HCN1: variants seen among roughly 807,000 people sequenced by gnomAD.
The protein encoded by HCN1 is hyperpolarization activated cyclic nucleotide gated potassium channel 1.
A neutral mutation model predicts 78.9 loss-of-function variants in HCN1; 13 were observed. The observed-to-expected ratio is 0.16, with a 90% CI of 0.11 to 0.26. HCN1 has a LOEUF of 0.26. Ranked by LOEUF, HCN1 falls within the 10% of genes least tolerant of loss-of-function variation. HCN1 has a pLI of 1.00. For synonymous variants in HCN1, 552 were observed against 455.5 expected (o/e 1.21, Z -2.70); for missense variants, 810 against 1,154.3 (o/e 0.70, Z 4.32).
chr5:45,549,873 T>C (rs1743324831), intron 2 of HCN1, among the ~76,000 whole-genome samples: 2 of 152,176 alleles, frequency 1.3e-5, no homozygotes, highest in African/African-American at 4.8e-5. Flanking sequence ...AAGACATTTA[T>C]GCAGCCAACA....
At chr5:45,369,344 T>C (rs1439266256) in intron 4 of HCN1, among the ~76,000 whole-genome samples, 1 of 152,072 alleles carries the variant, frequency 6.6e-6, no homozygotes, top group Non-Finnish European at 1.5e-5. Flanking sequence ...ACTCAGTATC[T>C]CATATTATCC....
chr5:45,383,818 T>C (rs1416987769), intron 4 of HCN1, among the ~76,000 whole-genome samples: 1 of 152,144 alleles, frequency 6.6e-6, no homozygotes, highest in Non-Finnish European at 1.5e-5. Context: ...ATGTTTGTTT[T>C]TTCCACAATA....
At chr5:45,423,710 C>T (rs1348580290) in intron 3 of HCN1, among the ~76,000 whole-genome samples, 1 of 152,168 alleles carries the variant, frequency 6.6e-6, no homozygotes, top group Non-Finnish European at 1.5e-5. Context: ...GCTCTCAACT[C>T]ACTTGTTTAC....
chr5:45,650,310 C>T (rs1266290696), intron 1 of HCN1, among the ~76,000 whole-genome samples: 1 of 152,116 alleles, frequency 6.6e-6, no homozygotes. Context: ...ATGATAGCTT[C>T]GGAATTCTAT....
chr5:45,541,852 C>T (rs2111829877), intron 2 of HCN1, among the ~76,000 whole-genome samples: 1 of 152,212 alleles, frequency 6.6e-6, no homozygotes, highest in South Asian at 2.1e-4. Flanking sequence ...CAAATAACCA[C>T]AAGTTAATTA....
chr5:45,304,688 A>G (rs533721112), intron 5 of HCN1, among the ~76,000 whole-genome samples: 111 of 152,260 alleles, frequency 7.3e-4, no homozygotes, highest in Middle Eastern at 3.4e-3. Flanking sequence ...AAGATTAAAA[A>G]AATAAAATTA....
intron 4 of HCN1, among the ~76,000 whole-genome samples, chr5:45,370,240 A>T (rs1326875055): frequency 6.6e-6 from 1 of 152,062 alleles, no homozygotes; most frequent in African/African-American, 2.4e-5. Flanking sequence ...AAACGGACAT[A>T]TTTATCCAAT....
At chr5:45,677,681 G>C (rs1320579798) in intron 1 of HCN1, among the ~76,000 whole-genome samples, 1 of 151,804 alleles carries the variant, frequency 6.6e-6, no homozygotes, top group Non-Finnish European at 1.5e-5. Context: ...CAGGATTAAA[G>C]AGTAATGACA....
intron 2 of HCN1, among the ~76,000 whole-genome samples, chr5:45,565,804 AAAC>A (rs942641869): frequency 1.5e-4 from 23 of 152,104 alleles, no homozygotes; most frequent in African/African-American, 1.9e-4. Flanking sequence ...CCCTGTCTCA[AAAC>A]AACAACAACA....
At chr5:45,282,491 C>A (rs1745188809) in intron 6 of HCN1, among the ~76,000 whole-genome samples, 1 of 152,122 alleles carries the variant, frequency 6.6e-6, no homozygotes, top group Non-Finnish European at 1.5e-5. Flanking sequence ...TTTTCCTAGC[C>A]AAGGTAAAGA....
intron 6 of HCN1, among the ~76,000 whole-genome samples, chr5:45,274,931 A>G (rs73099433): frequency 0.012 from 1,885 of 152,328 alleles, 49 homozygotes; most frequent in African/African-American, 0.043. Context: ...AGGAAGTGCA[A>G]TGATTGCTTT....
intron 1 of HCN1, among the ~76,000 whole-genome samples, chr5:45,656,043 C>G (rs1745758920): frequency 6.6e-6 from 1 of 152,012 alleles, no homozygotes; most frequent in South Asian, 2.1e-4. Context: ...CTTCAAGGAG[C>G]CCCTCAAAAA....
chr5:45,262,080 G>A lies in HCN1; in HGVS notation c.2514C>T (p.Arg838=), dbSNP rs1561078915. Residue 838 remains arginine (R), a synonymous_variant, in exon 8 of 8, where the codon CGC becomes CGT. Transcript: ENST00000303230. The stretch of plus-strand genomic sequence containing the variant: ...ACGACATCTGTCGGAAGAGGGTGAC[G>A]CGCTGCGGGACAGTGCTCCTGCCCC... The part of the protein sequence containing the change: ...QAGGRSTVPQ[R]VTLFRQMSSG... 1.9e-6 allele frequency: 3 copies of A among 1,613,590 alleles called. No homozygotes were observed. The highest frequency in any genetic ancestry group is 2.2e-5 in the East Asian group (1 of 44,848).
intron 6 of HCN1, among the ~76,000 whole-genome samples, chr5:45,301,880 A>T (rs1745630345): frequency 6.6e-6 from 1 of 152,092 alleles, no homozygotes; most frequent in Non-Finnish European, 1.5e-5. Flanking sequence ...TGTAAATGCA[A>T]TTAAGAAACA....
chr5:45,505,697 G>C (rs1742283564), intron 2 of HCN1, among the ~76,000 whole-genome samples: 1 of 152,008 alleles, frequency 6.6e-6, no homozygotes, highest in Non-Finnish European at 1.5e-5. Context: ...AAATGAAAAT[G>C]CCAACTAGAA....
intron 6 of HCN1, among the ~76,000 whole-genome samples, chr5:45,288,205 G>A (rs995202373): frequency 1.3e-5 from 2 of 151,972 alleles, no homozygotes; most frequent in Non-Finnish European, 2.9e-5. Flanking sequence ...ACGAAAAAAA[G>A]TGGCAGTTAT....
rs536640330 is a variant in HCN1, at chr5:45,581,695, G to A, written c.849+63490C>T. On this transcript the variant is annotated intron_variant, in intron 2 of 7. Coordinates refer to ENST00000303230, the MANE Select transcript of HCN1 (RefSeq NM_021072.4). The stretch of plus-strand genomic sequence containing the variant: ...TTTAATCCATCTTGAATTAATTTTT[G>A]TATAAGGTGTAAGGAAGGGATCCAG... 2.0e-5 allele frequency among the ~76,000 whole-genome samples: 3 copies of A among 152,250 alleles called. No individual in the cohort carries two copies. The East Asian group carries it at 5.8e-4, about 29-fold the overall frequency.
At chr5:45,476,264 C>T (rs1741512851) in intron 2 of HCN1, among the ~76,000 whole-genome samples, 1 of 152,094 alleles carries the variant, frequency 6.6e-6, no homozygotes, top group African/African-American at 2.4e-5. Context: ...ACTTCATCTG[C>T]TGGCATCTCA....
intron 5 of HCN1, among the ~76,000 whole-genome samples, chr5:45,304,694 A>G (rs1745693314): frequency 6.6e-6 from 1 of 152,068 alleles, no homozygotes; most frequent in Non-Finnish European, 1.5e-5. Flanking sequence ...AAAAAAATAA[A>G]ATTATAAATT....
Sources: allele counts gnomAD v4.1 joint callset (sites outside exome capture counted in the v4.1 genomes callset), GRCh38; gene constraint gnomAD v4.1.1; transcripts MANE v1.5; gene names NCBI Gene and HGNC (gene_info 2026-07-23, HGNC 2026-07-21).